Variants in GJA5 observed in about 807,000 individuals in gnomAD.
GJA5 encodes the protein gap junction protein alpha 5, also known as gap junction alpha-5 protein.
In GJA5, 3 loss-of-function variants were observed where a neutral mutation model predicts 7.9. That is an observed-to-expected ratio of 0.38 (90% CI 0.17 to 0.99). GJA5 has a LOEUF of 0.99. Ranked by LOEUF, GJA5 falls within the 50% of genes least tolerant of loss-of-function variation. The probability of loss-of-function intolerance (pLI) is 0.38; values close to 1 mark genes in which losing one functional copy is unlikely to be tolerated. For synonymous variants in GJA5, 193 were observed against 181.0 expected, an observed-to-expected ratio of 1.07 and a Z score of -0.53; for missense variants, 390 against 457.9, an observed-to-expected ratio of 0.85 and a Z score of 1.35.
intron 1 of GJA5, among the ~76,000 whole-genome samples, 193 bp from the exon 2 acceptor site, chr1:147,759,464 T>C (rs1420724215): frequency 6.6e-6 from 1 of 152,172 alleles, no homozygotes; most frequent in Admixed American, 6.5e-5. Flanking sequence ...AAAGAGAAGA[T>C]TCAAAGTAGC....
At chr1:147,770,205 T>C (rs1664346240) in intron 1 of GJA5, among the ~76,000 whole-genome samples, 3 of 152,200 alleles carry the variant, frequency 2.0e-5, no homozygotes, top group Non-Finnish European at 4.4e-5. Flanking sequence ...AGAGGCTCTT[T>C]TCTGGTTCCA....
intron 1 of GJA5, among the ~76,000 whole-genome samples, chr1:147,768,861 T>C (rs1664302536): frequency 1.3e-5 from 2 of 152,220 alleles, no homozygotes; most frequent in Non-Finnish European, 1.5e-5. Flanking sequence ...AGGGTTTGAA[T>C]CCAGCTAGCC....
At chr1:147,764,319 A>T (rs1325756793), upstream of GJA5, among the ~76,000 whole-genome samples, 2 of 152,204 alleles carry the variant, frequency 1.3e-5, no homozygotes, top group Non-Finnish European at 2.9e-5. Flanking sequence ...GGTACATGGT[A>T]GCAATTTTAA....
chr1:147,766,926 T>A (rs1553228281), intron 1 of GJA5, among the ~76,000 whole-genome samples: 1 of 152,234 alleles, frequency 6.6e-6, no homozygotes, highest in East Asian at 1.9e-4. Context: ...ACTGAAAGGC[T>A]GCCTGAGAAA....
intron 1 of GJA5, among the ~76,000 whole-genome samples, chr1:147,765,785 A>G (rs1664180376): frequency 6.6e-6 from 1 of 152,104 alleles, no homozygotes; most frequent in African/African-American, 2.4e-5. Flanking sequence ...AAGCCTCCAA[A>G]TGGGGTTGGG....
chr1:147,770,871 A>G (rs989434058), intron 1 of GJA5, among the ~76,000 whole-genome samples: 2 of 152,162 alleles, frequency 1.3e-5, no homozygotes, highest in African/African-American at 4.8e-5. Context: ...GCAGCTTCCA[A>G]CAATAGTAAG....
upstream of GJA5, among the ~76,000 whole-genome samples, chr1:147,761,991 A>G (rs1664035672): frequency 6.6e-6 from 1 of 152,216 alleles, no homozygotes; most frequent in South Asian, 2.1e-4. Flanking sequence ...AAATGATTCA[A>G]TCTGTGTTCC....
intron 1 of GJA5, among the ~76,000 whole-genome samples, chr1:147,770,545 C>T (rs1301164334): frequency 2.6e-5 from 4 of 152,108 alleles, no homozygotes; most frequent in African/African-American, 9.7e-5. Flanking sequence ...CTCATAAAAC[C>T]TTATGAGGAA....
Position 147,756,464 on chromosome 1 carries a change from T to A in GJA5, c.*1698A>T, listed in dbSNP as rs1553226416. 6.6e-6 allele frequency: 1 copy of A among 152,218 alleles called. No homozygotes were observed. The highest frequency in any genetic ancestry group is 2.4e-5 in the African/African-American group (1 of 41,462). 9.4% of individuals were successfully genotyped at this position (152,218 alleles called of 1,614,324 possible). Reference sequence around the variant, plus strand: ...TCCTCCACCTCTCCACTCTCATTTATCTTTCCACCCAACAATAGCATCCAA... The same window carrying A: ...TCCTCCACCTCTCCACTCTCATTTAACTTTCCACCCAACAATAGCATCCAA... On this transcript the variant is annotated 3_prime_UTR_variant, in exon 2 of 2. Coordinates refer to ENST00000579774, the MANE Select transcript of GJA5 (RefSeq NM_181703.4).
intron 1 of GJA5, among the ~76,000 whole-genome samples, chr1:147,771,227 G>T (rs587710249): frequency 1.3e-5 from 2 of 152,146 alleles, no homozygotes; most frequent in African/African-American, 4.8e-5. Flanking sequence ...CAGTGTAGAC[G>T]ATGAAGAGCA....
rs782785806 is a variant in GJA5 at position 147,758,242 on chromosome 1, G to A, written c.997C>T (p.Leu333Phe). 31 of 1,614,036 alleles carry A rather than the reference G, an allele frequency of 1.9e-5. No individual in the cohort carries two copies. The East Asian group carries it at 6.2e-4, about 32-fold the overall frequency. Reference sequence around the variant, plus strand: ...TTGTCACTATGATAGCCATGGGGAAGGCGGTGACCTGGTGAGACTCCATTG... The same window carrying A: ...TTGTCACTATGATAGCCATGGGGAAAGCGGTGACCTGGTGAGACTCCATTG... ...VPNGVSPGHR[L>F]PHGYHSDKRR... The change falls in exon 2 of 2, where the codon CTT becomes TTT. Residue 333 changes from leucine to phenylalanine, a missense_variant. Coordinates refer to ENST00000579774, the MANE Select transcript of GJA5 (RefSeq NM_181703.4).
intron 1 of GJA5, among the ~76,000 whole-genome samples, chr1:147,768,954 C>T (rs1452961499): frequency 2.0e-5 from 3 of 152,194 alleles, no homozygotes; most frequent in Non-Finnish European, 2.9e-5. Flanking sequence ...ATGATAAGCC[C>T]GTGCCCAGAA....
Position 147,758,590 on chromosome 1 carries a change from G to C in GJA5, c.649C>G (p.Leu217Val). 1.2e-6 allele frequency: 2 copies of C among 1,614,116 alleles called. No homozygotes were observed. Among genetic ancestry groups the C allele is most frequent in the Admixed American group, 1.7e-5 (1 of 60,024 alleles). ...FIVFMLAVAA[L>V]SLLLSLAELY... ...TCAGCCAGGCTAAGGAGGAGGGACA[G>C]TGCAGCCACAGCCAGCATAAAGACA... is the stretch of plus-strand genomic sequence containing the variant. The change falls in exon 2 of 2, where the codon CTG becomes GTG. Residue 217 changes from leucine (L) to valine (V), a missense_variant. Coordinates refer to ENST00000579774, the MANE Select transcript of GJA5 (RefSeq NM_181703.4).
chr1:147,758,749 C>G lies in GJA5; in HGVS notation c.490G>C (p.Glu164Gln). 1.9e-6 allele frequency: 3 copies of G among 1,614,024 alleles called. No individual in the cohort carries two copies. Among genetic ancestry groups the G allele is most frequent in the Non-Finnish European group, 2.5e-6 (3 of 1,179,880 alleles). ...VCSILIRTTMEVGFIVGQYFI... is the reference protein window; with the variant it reads ...VCSILIRTTMQVGFIVGQYFI... ...TACTGGCCCACAATGAAGCCCACCT[C>G]CATGGTGGTGCGGATCAGGATGCTG... is the stretch of plus-strand genomic sequence containing the variant. Residue 164 changes from glutamate to glutamine, a missense_variant, in exon 2 of 2, where the codon GAG (glutamate) becomes CAG (glutamine). Around this residue, in one of 2 missense-constraint regions of GJA5, gnomAD observed 354 missense variants for 370.9 expected, o/e 0.95. Transcript: ENST00000579774.
At chr1:147,772,704 A>G (rs1340003083) in intron 1 of GJA5, among the ~76,000 whole-genome samples, 1 of 148,088 alleles carries the variant, frequency 6.8e-6, no homozygotes, top group Non-Finnish European at 1.5e-5. Flanking sequence ...GATCTCTCAC[A>G]TGTGGCCACT....
At chr1:147,765,060 C>T (rs1664153787), upstream of GJA5, among the ~76,000 whole-genome samples, 1 of 152,116 alleles carries the variant, frequency 6.6e-6, no homozygotes, top group Non-Finnish European at 1.5e-5. Context: ...AGGCTCAAGT[C>T]TTTCTTCTTA....
intron 1 of GJA5, among the ~76,000 whole-genome samples, chr1:147,771,356 G>C (rs1553229060): frequency 6.6e-6 from 1 of 152,160 alleles, no homozygotes; most frequent in African/African-American, 2.4e-5. Context: ...ATGGACATTA[G>C]AAGAGCCCTC....
intron 1 of GJA5, among the ~76,000 whole-genome samples, chr1:147,768,897 A>C (rs1664304124): frequency 6.6e-6 from 1 of 152,188 alleles, no homozygotes; most frequent in African/African-American, 2.4e-5. Flanking sequence ...CATCCTCTCT[A>C]CATCTCTGAC....
upstream of GJA5, among the ~76,000 whole-genome samples, chr1:147,764,003 G>A (rs1664111880): frequency 6.6e-6 from 1 of 152,056 alleles, no homozygotes; most frequent in South Asian, 2.1e-4. Flanking sequence ...TAGAGAAGGG[G>A]TTTCACCATG....
Sources: gnomAD v4.1 joint callset for allele counts (sites outside exome capture counted in the v4.1 genomes callset) on GRCh38, gnomAD v4.1.1 for gene constraint, gnomAD v4.1.1 regional missense constraint, MANE v1.5 for transcripts, NCBI Gene and HGNC (gene_info 2026-07-23, HGNC 2026-07-21) for gene names.